CCDC3: variants seen among roughly 807,000 people sequenced by gnomAD.
CCDC3 encodes the protein coiled-coil domain containing 3.
Under a neutral mutation model 21.4 loss-of-function variants are expected in CCDC3, and 24 were observed. The ratio of observed to expected loss-of-function variants is 1.12; its 90% CI spans 0.81 to 1.58. CCDC3 has a LOEUF of 1.58. Among genes scored for constraint, CCDC3 ranks in the 40% most tolerant of loss-of-function variants. The pLI, the probability that CCDC3 is intolerant of heterozygous loss-of-function variation, is 0.00. For synonymous variants in CCDC3, 186 were observed against 166.0 expected (o/e 1.12, Z -0.93); for missense variants, 425 against 360.9 (o/e 1.18, Z -1.44).
At chr10:12,937,424 T>C (rs1834757701) in intron 2 of CCDC3, among the ~76,000 whole-genome samples, 1 of 152,136 alleles carries the variant, frequency 6.6e-6, no homozygotes, top group Admixed American at 6.5e-5. Flanking sequence ...CCAGAAGACA[T>C]CAGATATCAT....
intron 2 of CCDC3, among the ~76,000 whole-genome samples, chr10:12,932,479 C>A (rs1834662361): frequency 6.6e-6 from 1 of 152,108 alleles, no homozygotes; most frequent in Non-Finnish European, 1.5e-5. Flanking sequence ...AAGTTGGAGA[C>A]CATCCATAGG....
At chr10:13,074,564 C>A (rs1317755379) in intron 3 of CCDC3, among the ~76,000 whole-genome samples, 3 of 151,504 alleles carry the variant, frequency 2.0e-5, no homozygotes, top group African/African-American at 4.9e-5. Context: ...TGAACTAACT[C>A]TCCCTCCCCC....
chr10:13,074,631 C>A (rs112413994), intron 3 of CCDC3, among the ~76,000 whole-genome samples: 1 of 150,554 alleles, frequency 6.6e-6, no homozygotes, highest in Non-Finnish European at 1.5e-5. Context: ...TTTCTCCTTA[C>A]CCTTGTTAAA....
chr10:13,026,799 C>A (rs1217839659), intron 5 of CCDC3, among the ~76,000 whole-genome samples: 2 of 152,186 alleles, frequency 1.3e-5, no homozygotes, highest in Admixed American at 6.5e-5. Context: ...CTTTCCCACT[C>A]CAGCATGAAT....
At chr10:13,014,099 C>T (rs1639276691) in intron 5 of CCDC3, among the ~76,000 whole-genome samples, 3 of 151,614 alleles carry the variant, frequency 2.0e-5, no homozygotes, top group South Asian at 2.1e-4. Context: ...TGCAGTGAGC[C>T]GAGATCACGC....
At chr10:13,083,922 A>G (rs1406312027) in intron 3 of CCDC3, among the ~76,000 whole-genome samples, 1 of 152,140 alleles carries the variant, frequency 6.6e-6, no homozygotes, top group Non-Finnish European at 1.5e-5. Context: ...AAGTAAAATA[A>G]CCTTGCTGAG....
upstream of CCDC3, chr10:13,001,734 G>A: frequency 5.7e-6 from 2 of 352,688 alleles, no homozygotes; most frequent in African/African-American, 2.2e-5. Flanking sequence ...GGCGCGCCAC[G>A]CTTTAAAAGG....
intron 2 of CCDC3, among the ~76,000 whole-genome samples, chr10:12,930,769 C>T (rs1834626316): frequency 6.6e-6 from 1 of 152,126 alleles, no homozygotes; most frequent in South Asian, 2.1e-4. Context: ...GATAGTCTCC[C>T]ACAACAAAGA....
intron 4 of CCDC3, among the ~76,000 whole-genome samples, chr10:13,050,360 T>C (rs1267749737): frequency 6.6e-6 from 1 of 151,910 alleles, no homozygotes; most frequent in African/African-American, 2.4e-5. Context: ...TTTAAATACC[T>C]AAATAAGCCA....
chr10:13,076,282 G>C (rs1836963685), intron 3 of CCDC3, among the ~76,000 whole-genome samples: 1 of 152,226 alleles, frequency 6.6e-6, no homozygotes, highest in Non-Finnish European at 1.5e-5. Context: ...ATTTAGGATT[G>C]TTGTCAGAGG....
At chr10:12,925,808 C>G (rs554580562) in intron 2 of CCDC3, among the ~76,000 whole-genome samples, 2 of 152,364 alleles carry the variant, frequency 1.3e-5, no homozygotes, top group African/African-American at 2.4e-5. Context: ...TCATGAAATT[C>G]TCAATTCATC....
intron 5 of CCDC3, among the ~76,000 whole-genome samples, chr10:13,017,706 G>T (rs1836089092): frequency 6.6e-6 from 1 of 151,932 alleles, no homozygotes; most frequent in South Asian, 2.1e-4. Context: ...TAACTTTCAA[G>T]ATTTTTCTTT....
intron 4 of CCDC3, among the ~76,000 whole-genome samples, chr10:13,062,764 A>T (rs192280561): frequency 3.0e-4 from 46 of 152,288 alleles, no homozygotes; most frequent in Admixed American, 7.8e-4. Context: ...AAGATTAGAA[A>T]TTACGGTTTA....
chr10:12,997,878 C>T (rs1169694490), intron 2 of CCDC3, among the ~76,000 whole-genome samples: 1 of 152,106 alleles, frequency 6.6e-6, no homozygotes, highest in Non-Finnish European at 1.5e-5. Context: ...TTGTCTTGGG[C>T]CACACATAAA....
At chr10:12,995,453 G>C (rs191714814) in intron 2 of CCDC3, among the ~76,000 whole-genome samples, 2 of 152,184 alleles carry the variant, frequency 1.3e-5, no homozygotes, top group African/African-American at 4.8e-5. Context: ...TGTTGGCCAG[G>C]CCGGTCTTAA....
chr10:13,057,456 C>G (rs1564334946), intron 4 of CCDC3, among the ~76,000 whole-genome samples: 1 of 133,498 alleles, frequency 7.5e-6, no homozygotes, highest in Non-Finnish European at 1.6e-5. Context: ...AGTGTTTCTT[C>G]TTTTGTTTTC....
intron 2 of CCDC3, among the ~76,000 whole-genome samples, chr10:12,975,015 A>C (rs1205744129): frequency 6.6e-6 from 1 of 152,202 alleles, no homozygotes; most frequent in African/African-American, 2.4e-5. Flanking sequence ...AAAGACTCAG[A>C]AACACTGAGG....
intron 4 of CCDC3, among the ~76,000 whole-genome samples, chr10:13,050,743 A>G (rs1161090579): frequency 6.6e-6 from 1 of 151,870 alleles, no homozygotes; most frequent in Non-Finnish European, 1.5e-5. Flanking sequence ...ACAGGCGTGA[A>G]CCACCGCGCC....
chr10:13,091,658 A>T (rs1159567348), intron 3 of CCDC3, among the ~76,000 whole-genome samples: 3 of 152,160 alleles, frequency 2.0e-5, no homozygotes, highest in African/African-American at 7.2e-5. Context: ...TCATCTCCTC[A>T]GGTACATCTC....
Sources: gnomAD v4.1 joint callset for allele counts (sites outside exome capture counted in the v4.1 genomes callset) on GRCh38, gnomAD v4.1.1 for gene constraint, MANE v1.5 for transcripts, NCBI Gene and HGNC (gene_info 2026-07-23, HGNC 2026-07-21) for gene names.